The following SYT1 variants were observed in gnomAD, a reference collection of about 807,000 sequenced individuals.
SYT1 encodes synaptotagmin 1, also known as synaptotagmin-1.
A neutral mutation model predicts 44.8 loss-of-function variants in SYT1; 8 were observed. The ratio of observed to expected loss-of-function variants is 0.18; its 90% CI spans 0.10 to 0.32. SYT1 has a LOEUF of 0.32. SYT1 is among the 10% of genes least tolerant of loss of function. The probability of loss-of-function intolerance (pLI) is 1.00; values close to 1 mark genes in which losing one functional copy is unlikely to be tolerated. For missense variants in SYT1, 286 were observed against 509.3 expected (o/e 0.56, Z 4.22); for synonymous variants, 154 against 188.8 (o/e 0.82, Z 1.51).
chr12:78,915,712 G>T (rs1377826110), intron 1 of SYT1, among the ~76,000 whole-genome samples: 1 of 151,202 alleles, frequency 6.6e-6, no homozygotes, highest in Non-Finnish European at 1.5e-5. Context: ...TATTTATTCT[G>T]GCTAGAATTT....
chr12:79,436,778 T>C (rs1045984921), intron 9 of SYT1, among the ~76,000 whole-genome samples: 12 of 152,194 alleles, frequency 7.9e-5, no homozygotes, highest in African/African-American at 2.9e-4. Context: ...GTGAATGGCC[T>C]TTCCAAAGTT....
Position 79,074,982 on chromosome 12 carries a change from C to T in SYT1, c.-18+27620C>T, listed in dbSNP as rs909326076. 3.3e-5 allele frequency among the ~76,000 whole-genome samples: 5 copies of T among 152,034 alleles called. No homozygotes were observed. In the East Asian group the frequency reaches 7.7e-4, roughly 23 times the overall value. On this transcript the variant is annotated intron_variant, in intron 3 of 10. Coordinates refer to ENST00000261205, the MANE Select transcript of SYT1 (RefSeq NM_005639.3). ...AATACTATGTACTTCACTGTGAAGTCCTGAAACAAAAATATCATCGTAAAT... is the reference window on the plus strand; with the variant it reads ...AATACTATGTACTTCACTGTGAAGTTCTGAAACAAAAATATCATCGTAAAT...
intron 8 of SYT1, among the ~76,000 whole-genome samples, chr12:79,334,020 T>G (rs906415113): frequency 1.3e-5 from 2 of 152,182 alleles, no homozygotes; most frequent in African/African-American, 4.8e-5. Context: ...AAAATCCTAC[T>G]TTATATTTTT....
chr12:79,314,358 A>G (rs1202632479), intron 8 of SYT1, among the ~76,000 whole-genome samples: 3 of 152,050 alleles, frequency 2.0e-5, no homozygotes, highest in South Asian at 2.1e-4. Flanking sequence ...AAAAAAGTGG[A>G]TATCTGAGCC....
At chr12:79,112,994 A>G (rs542952758) in intron 3 of SYT1, among the ~76,000 whole-genome samples, 2 of 152,276 alleles carry the variant, frequency 1.3e-5, no homozygotes, top group East Asian at 1.9e-4. Context: ...AAACACCAAC[A>G]GAAGTGTACA....
At chr12:79,095,125 A>T (rs1878037437) in intron 3 of SYT1, among the ~76,000 whole-genome samples, 3 of 151,978 alleles carry the variant, frequency 2.0e-5, no homozygotes, top group Non-Finnish European at 4.4e-5. Context: ...ACAGGAAAAC[A>T]AAAGCCATTC....
In SYT1 at chr12:79,451,502, G is replaced by T. The variant is rs986383020; in HGVS notation, c.*2378G>T. 1 of 152,212 alleles carries T rather than the reference G, an allele frequency of 6.6e-6. No individual in the cohort carries two copies. Among genetic ancestry groups the T allele is most frequent in the African/African-American group, 2.4e-5 (1 of 41,446 alleles). 9.4% of individuals were successfully genotyped at this position (152,212 alleles called of 1,614,324 possible). On this transcript the variant is annotated 3_prime_UTR_variant, in exon 11 of 11. Transcript: ENST00000261205. ...CACACTTTCAAACAAGCAGGTTCAA[G>T]CTGCTGAATAGACATTATTTCTTGC...
chr12:79,374,766 T>C (rs1213675200), intron 9 of SYT1, among the ~76,000 whole-genome samples: 1 of 152,192 alleles, frequency 6.6e-6, no homozygotes, highest in Non-Finnish European at 1.5e-5. Flanking sequence ...ACTTACTAAG[T>C]GCCACAGTGA....
intron 1 of SYT1, among the ~76,000 whole-genome samples, chr12:78,894,726 A>T (rs1422604814): frequency 6.6e-6 from 1 of 151,608 alleles, no homozygotes; most frequent in Non-Finnish European, 1.5e-5. Flanking sequence ...AGTCAAACTC[A>T]TAGAAACAGA....
intron 3 of SYT1, among the ~76,000 whole-genome samples, chr12:79,067,897 T>C (rs1014128202): frequency 1.3e-5 from 2 of 152,228 alleles, no homozygotes; most frequent in African/African-American, 2.4e-5. Context: ...TAGAAATTGT[T>C]GTAGAACATA....
chr12:79,383,744 A>T (rs1183528935), intron 9 of SYT1, among the ~76,000 whole-genome samples: 2 of 152,192 alleles, frequency 1.3e-5, no homozygotes, highest in Non-Finnish European at 2.9e-5. Context: ...GACACATGAA[A>T]ATAAAAAACT....
At chr12:78,939,386 G>T (rs1385428002) in intron 1 of SYT1, among the ~76,000 whole-genome samples, 1 of 152,132 alleles carries the variant, frequency 6.6e-6, no homozygotes, top group Non-Finnish European at 1.5e-5. Context: ...AAAGACAAAT[G>T]CTATCTGAAG....
At chr12:79,087,653 A>G (rs1877475700) in intron 3 of SYT1, among the ~76,000 whole-genome samples, 1 of 152,066 alleles carries the variant, frequency 6.6e-6, no homozygotes, top group African/African-American at 2.4e-5. Flanking sequence ...CAGAGGGATA[A>G]CAGAAGAGAA....
At chr12:79,432,428 T>C (rs901241648) in intron 9 of SYT1, among the ~76,000 whole-genome samples, 2 of 151,836 alleles carry the variant, frequency 1.3e-5, no homozygotes, top group Non-Finnish European at 2.9e-5. Context: ...GTGTTCTCAT[T>C]GTTCAATTCC....
At chr12:78,885,355 C>G (rs1036480454) in intron 1 of SYT1, among the ~76,000 whole-genome samples, 70 of 57,216 alleles carry the variant, frequency 1.2e-3, no homozygotes, top group Middle Eastern at 0.012. Flanking sequence ...AAGGAAGGAA[C>G]GAAGGAAGGA....
intron 8 of SYT1, among the ~76,000 whole-genome samples, chr12:79,320,609 G>A (rs1881306759): frequency 6.7e-6 from 1 of 149,874 alleles, no homozygotes; most frequent in Admixed American, 6.6e-5. Context: ...TCTATCAGCA[G>A]CACCTCTCTC....
intron 9 of SYT1, among the ~76,000 whole-genome samples, chr12:79,360,412 G>A (rs943873022): frequency 6.6e-6 from 1 of 152,146 alleles, no homozygotes; most frequent in African/African-American, 2.4e-5. Flanking sequence ...TTCTGAAGTT[G>A]TTTCCTAGTA....
intron 1 of SYT1, among the ~76,000 whole-genome samples, chr12:78,894,938 C>T (rs1875274521): frequency 6.6e-6 from 1 of 151,584 alleles, no homozygotes; most frequent in South Asian, 2.1e-4. Context: ...AAAAATAATT[C>T]AGTGAGGTAA....
chr12:79,320,011 T>C (rs1168527199), intron 8 of SYT1, among the ~76,000 whole-genome samples: 1 of 152,206 alleles, frequency 6.6e-6, no homozygotes, highest in African/African-American at 2.4e-5. Context: ...ATATGAGAAA[T>C]GTCTTTGCAA....
Sources: gnomAD v4.1 joint callset for allele counts (sites outside exome capture counted in the v4.1 genomes callset) on GRCh38, gnomAD v4.1.1 for gene constraint, MANE v1.5 for transcripts, NCBI Gene and HGNC (gene_info 2026-07-23, HGNC 2026-07-21) for gene names.